YEATS2: variants seen among roughly 807,000 people sequenced by gnomAD.
The protein encoded by YEATS2 is YEATS domain containing 2, also known as YEATS domain-containing protein 2.
In YEATS2, 77 loss-of-function variants were observed where a neutral mutation model predicts 163.2. The ratio of observed to expected loss-of-function variants is 0.47; its 90% CI spans 0.39 to 0.57. The LOEUF is 0.57. Ranked by LOEUF, YEATS2 falls within the 20% of genes least tolerant of loss-of-function variation. YEATS2 has a pLI of 0.00. For missense variants in YEATS2, 1,549 were observed against 1,729.8 expected (o/e 0.90, Z 1.85); for synonymous variants, 631 against 645.1 (o/e 0.98, Z 0.33).
chr3:183,709,359 A>G lies in YEATS2; in HGVS notation c.-19-5785A>G, dbSNP rs528045648. On this transcript the variant is annotated intron_variant, in intron 1 of 30. Transcript: ENST00000305135. Reference sequence around the variant, plus strand: ...AAAGCATTTACTCTTTTTTTGAGATAAAGTTTCTGTCACCCAGGCTGGTGT... The same window carrying G: ...AAAGCATTTACTCTTTTTTTGAGATGAAGTTTCTGTCACCCAGGCTGGTGT... Among the ~76,000 whole-genome samples the G allele has an allele frequency of 5.3e-5, 8 of 152,124 alleles. No homozygotes were observed. The South Asian group carries it at 1.7e-3, about 32-fold the overall frequency.
At chr3:183,703,141 A>G (rs376400910) in intron 1 of YEATS2, among the ~76,000 whole-genome samples, 2 of 152,178 alleles carry the variant, frequency 1.3e-5, no homozygotes, top group Non-Finnish European at 2.9e-5. Context: ...AGCTCTTTAC[A>G]TGTTATTAGA....
Position 183,743,688 on chromosome 3 carries a change from C to CCTTA in YEATS2, c.925-3983_925-3980dup, listed in dbSNP as rs1414109699. On this transcript the variant is annotated intron_variant, in intron 8 of 30. Coordinates refer to ENST00000305135, the MANE Select transcript of YEATS2 (RefSeq NM_018023.5). ...ATGGAAAGACCATTTCTTAGTGTTCCCTTAGACCCTTTTTATAGTATTATA... is the reference window on the plus strand; with the variant it reads ...ATGGAAAGACCATTTCTTAGTGTTCCCTTACTTAGACCCTTTTTATAGTATTATA... Among the ~76,000 whole-genome samples the CCTTA allele has an allele frequency of 2.0e-5, 3 of 152,104 alleles. No individual in the cohort carries two copies. In the East Asian group the frequency reaches 5.8e-4, roughly 29 times the overall value.
chr3:183,807,089 G>T lies in YEATS2; in HGVS notation c.4008G>T (p.Gln1336His). 1 of 1,612,194 alleles carries T rather than the reference G, an allele frequency of 6.2e-7. No homozygotes were observed. Among genetic ancestry groups the T allele is most frequent in the South Asian group, 1.1e-5 (1 of 90,550 alleles). Residue 1336 changes from glutamine (Q) to histidine (H), a missense_variant, in exon 28 of 31, where the codon CAG becomes CAT. Coordinates refer to ENST00000305135, the MANE Select transcript of YEATS2 (RefSeq NM_018023.5). ...CTGAATTTATTGGGGATGTCACACAGAAGGTAGGGGTTGTGGTGTTAATAG... is the reference window on the plus strand; with the variant it reads ...CTGAATTTATTGGGGATGTCACACATAAGGTAGGGGTTGTGGTGTTAATAG... ...PGSEFIGDVT[Q>H]KIGITLQPVA...
intron 8 of YEATS2, among the ~76,000 whole-genome samples, chr3:183,746,657 CTTT>C (rs560422111): frequency 7.1e-6 from 1 of 141,318 alleles, no homozygotes; most frequent in Non-Finnish European, 1.5e-5. Context: ...CTAAAATTAC[CTTT>C]TTTTTTTTTT....
chr3:183,770,843 G>T (rs1049207216), intron 15 of YEATS2, among the ~76,000 whole-genome samples: 2 of 151,986 alleles, frequency 1.3e-5, no homozygotes, highest in East Asian at 3.9e-4. Flanking sequence ...TATAATTCTA[G>T]TTCATTTATT....
At chr3:183,707,676 C>CTTTTTTTTTT (rs1577029221) in intron 1 of YEATS2, among the ~76,000 whole-genome samples, 1 of 141,144 alleles carries the variant, frequency 7.1e-6, no homozygotes, top group South Asian at 2.2e-4. Flanking sequence ...CCTTCCCCAC[C>CTTTTTTTTTT]TATTTTTTTT....
At chr3:183,781,263 G>T (rs1034322177) in intron 19 of YEATS2, among the ~76,000 whole-genome samples, 1 of 152,130 alleles carries the variant, frequency 6.6e-6, no homozygotes. Flanking sequence ...CGAACTGGTG[G>T]GCATGGGAGT....
At chr3:183,788,445 C>T (rs1724276524) in intron 20 of YEATS2, among the ~76,000 whole-genome samples, 2 of 152,134 alleles carry the variant, frequency 1.3e-5, no homozygotes, top group African/African-American at 4.8e-5. Flanking sequence ...AACATAATGT[C>T]CTCCAGTTCT....
At chr3:183,737,361 A>G (rs1242406278) in intron 8 of YEATS2, among the ~76,000 whole-genome samples, 3 of 152,188 alleles carry the variant, frequency 2.0e-5, no homozygotes, top group Admixed American at 6.5e-5. Flanking sequence ...AGTGGGGGGA[A>G]GAGATACTAT....
Position 183,790,941 on chromosome 3 carries a change from C to T in YEATS2, c.3058C>T (p.Pro1020Ser). 1 of 1,614,200 alleles carries T rather than the reference C, an allele frequency of 6.2e-7. No homozygotes were observed. Among genetic ancestry groups the T allele is most frequent in the Non-Finnish European group, 8.5e-7 (1 of 1,180,026 alleles). ...PTVVSATSLVPTPNPISGKAT... is the reference protein window; with the variant it reads ...PTVVSATSLVSTPNPISGKAT... ...CGTCGTCAGCGCCACGTCCCTCGTG[C>T]CTACACCAAACCCCATCTCTGGGAA... The change falls in exon 21 of 31, where the codon CCT becomes TCT. Residue 1020 changes from proline (P) to serine (S), a missense_variant. Coordinates refer to ENST00000305135, the MANE Select transcript of YEATS2 (RefSeq NM_018023.5).
At position 183,697,980 on chromosome 3, in the gene YEATS2, G is replaced by T. The variant is rs1219476827; in HGVS notation, c.-33G>T. 3 of 151,982 alleles carry T rather than the reference G, an allele frequency of 2.0e-5. No homozygotes were observed. Among genetic ancestry groups the T allele is most frequent in the Admixed American group, 6.6e-5 (1 of 15,252 alleles). 9.4% of individuals were successfully genotyped at this position (151,982 alleles called of 1,614,324 possible). A position where few individuals can be genotyped will look rare whatever the true frequency, so the allele number is the denominator to read the frequency against. ...CGGCGGGGCCCGCGCTGCAGCCGGAGACCCGGAGAAAGGGTGAGTGTTGGC... is the reference window on the plus strand; with the variant it reads ...CGGCGGGGCCCGCGCTGCAGCCGGATACCCGGAGAAAGGGTGAGTGTTGGC... On this transcript the variant is annotated 5_prime_UTR_variant, in exon 1 of 31. Transcript: ENST00000305135.
chr3:183,725,789 G>C (rs1475958743), intron 6 of YEATS2, among the ~76,000 whole-genome samples: 1 of 152,188 alleles, frequency 6.6e-6, no homozygotes, highest in Admixed American at 6.5e-5. Context: ...TGATTGGCAC[G>C]TCCAAAGCTG....
chr3:183,736,059 C>T (rs1369454560), intron 7 of YEATS2, among the ~76,000 whole-genome samples: 1 of 152,038 alleles, frequency 6.6e-6, no homozygotes, highest in Non-Finnish European at 1.5e-5. Context: ...CCCTCATGTG[C>T]CCATCACCAG....
intron 5 of YEATS2, among the ~76,000 whole-genome samples, chr3:183,723,041 T>C (rs758568629): frequency 3.9e-5 from 6 of 152,202 alleles, no homozygotes; most frequent in Admixed American, 6.5e-5. Flanking sequence ...AAAGAAACCT[T>C]CTAGCTCGGC....
chr3:183,807,380 G>T, intron 28 of YEATS2: 1 of 373,646 alleles, frequency 2.7e-6, no homozygotes, highest in Non-Finnish European at 5.0e-6. Context: ...AGATAGAAAT[G>T]GTTGATTACT....
At position 183,776,481 on chromosome 3, in the gene YEATS2, C is replaced by T. The variant is rs183473652; in HGVS notation, c.2577+358C>T. Among the ~76,000 whole-genome samples, 86 of 152,130 alleles carry T rather than the reference C, an allele frequency of 5.7e-4. No homozygotes were observed. In the South Asian group the frequency reaches 5.8e-3, roughly 10 times the overall value. Reference sequence around the variant, plus strand: ...ATTGCTTGAACCTGGGAGGTTGAGGCTGCAGTGAGCTGAGGTCGCACCACT... The same window carrying T: ...ATTGCTTGAACCTGGGAGGTTGAGGTTGCAGTGAGCTGAGGTCGCACCACT... On this transcript the variant is annotated intron_variant, in intron 18 of 30. Coordinates refer to ENST00000305135, the MANE Select transcript of YEATS2 (RefSeq NM_018023.5).
In YEATS2 at chr3:183,728,815, A is replaced by G; in HGVS notation, c.776A>G (p.His259Arg). 1 of 1,614,076 alleles carries G rather than the reference A, an allele frequency of 6.2e-7. No homozygotes were observed. The highest frequency in any genetic ancestry group is 8.5e-7 in the Non-Finnish European group (1 of 1,179,986). The change falls in exon 7 of 31, where the codon CAT (histidine) becomes CGT (arginine). Residue 259 changes from histidine to arginine, a missense_variant. His to Arg is a conservative substitution (Grantham distance 29). Transcript: ENST00000305135. ...GTCAAGAAGGTTTGGTTCTTCCTTC[A>G]TCCTAGCTATAAACCAAATGACCTT... is the stretch of plus-strand genomic sequence containing the variant. The part of the protein sequence containing the change: ...HFVKKVWFFL[H>R]PSYKPNDLVE...
At chr3:183,751,679 G>A (rs1451572073) in intron 9 of YEATS2, among the ~76,000 whole-genome samples, 2 of 152,206 alleles carry the variant, frequency 1.3e-5, no homozygotes, top group African/African-American at 4.8e-5. Flanking sequence ...TGGGGGATAA[G>A]GAAGTAGCTT....
Position 183,761,553 on chromosome 3 carries a change from G to A in YEATS2, c.1703G>A (p.Gly568Glu). 1.2e-6 allele frequency: 2 copies of A among 1,614,118 alleles called. No homozygotes were observed. The highest frequency in any genetic ancestry group is 1.7e-6 in the Non-Finnish European group (2 of 1,180,002). Residue 568 changes from glycine to glutamate, a missense_variant, in exon 14 of 31, where the codon GGG (glycine) becomes GAG (glutamate). Gly to Glu is a moderately conservative substitution (Grantham distance 98). Coordinates refer to ENST00000305135, the MANE Select transcript of YEATS2 (RefSeq NM_018023.5). The part of the protein sequence containing the change: ...FASMPPLCPI[G>E]SHPKVQSPKP... ...TCTATGCCACCTCTTTGCCCAATTG[G>A]GAGTCACCCTAAGGTTCAAAGCCCC...
Sources: allele counts gnomAD v4.1 joint callset (sites outside exome capture counted in the v4.1 genomes callset), GRCh38; gene constraint gnomAD v4.1.1; transcripts MANE v1.5; gene names NCBI Gene and HGNC (gene_info 2026-07-23, HGNC 2026-07-21).